The following LPP variants were observed in gnomAD, a reference collection of about 807,000 sequenced individuals.
LPP encodes LIM domain containing preferred translocation partner in lipoma, also known as lipoma-preferred partner.
Under a neutral mutation model 60.4 loss-of-function variants are expected in LPP, and 38 were observed. The observed-to-expected ratio is 0.63, with a 90% CI of 0.49 to 0.83. LPP has a LOEUF of 0.83. Ranked by LOEUF, LPP falls within the 40% of genes least tolerant of loss-of-function variation. The probability of loss-of-function intolerance (pLI) is 0.00; values close to 1 mark genes in which losing one functional copy is unlikely to be tolerated. For synonymous variants in LPP, 328 were observed against 290.8 expected, an observed-to-expected ratio of 1.13 and a Z score of -1.30; for missense variants, 902 against 783.6, an observed-to-expected ratio of 1.15 and a Z score of -1.80.
chr3:188,394,201 G>A (rs2148718561), intron 3 of LPP, among the ~76,000 whole-genome samples: 2 of 152,304 alleles, frequency 1.3e-5, no homozygotes, highest in East Asian at 3.9e-4. Context: ...TAAACTGAGT[G>A]GGAAACAAAT....
intron 3 of LPP, among the ~76,000 whole-genome samples, chr3:188,360,015 C>G (rs926758836): frequency 6.6e-6 from 1 of 152,212 alleles, no homozygotes; most frequent in Non-Finnish European, 1.5e-5. Flanking sequence ...CAGTCCCTCA[C>G]AAGATACCTC....
intron 3 of LPP, among the ~76,000 whole-genome samples, chr3:188,395,725 A>G (rs1189771941): frequency 6.6e-6 from 1 of 152,010 alleles, no homozygotes; most frequent in Non-Finnish European, 1.5e-5. Flanking sequence ...CAGGAGTTCG[A>G]GACTAGTGAG....
intron 2 of LPP, among the ~76,000 whole-genome samples, chr3:188,295,908 C>T (rs1252320596): frequency 6.6e-6 from 1 of 152,002 alleles, no homozygotes; most frequent in Non-Finnish European, 1.5e-5. Context: ...GAAGATAGAA[C>T]AGTCAGTTTT....
intron 4 of LPP, among the ~76,000 whole-genome samples, chr3:188,417,550 A>G (rs1397515917): frequency 1.3e-5 from 2 of 152,142 alleles, no homozygotes; most frequent in African/African-American, 4.8e-5. Context: ...TAGCTTTGCA[A>G]TGTGAACAGA....
chr3:188,640,721 T>TC (rs1455844752), intron 7 of LPP, among the ~76,000 whole-genome samples: 1 of 152,016 alleles, frequency 6.6e-6, no homozygotes, highest in Non-Finnish European at 1.5e-5. Context: ...TTTTGGAATT[T>TC]TTTTTTTTTA....
chr3:188,778,139 C>T (rs1319355521), intron 9 of LPP, among the ~76,000 whole-genome samples: 3 of 152,134 alleles, frequency 2.0e-5, no homozygotes, highest in African/African-American at 7.2e-5. Flanking sequence ...CTGTTTTCCA[C>T]TGGAAGAAGA....
At chr3:188,860,581 G>A (rs1015554784) in intron 9 of LPP, among the ~76,000 whole-genome samples, 1 of 151,950 alleles carries the variant, frequency 6.6e-6, no homozygotes, top group Non-Finnish European at 1.5e-5. Flanking sequence ...GAAACACACT[G>A]TGTGTTAACC....
At chr3:188,772,145 C>T (rs966873919) in intron 9 of LPP, among the ~76,000 whole-genome samples, 15 of 152,170 alleles carry the variant, frequency 9.9e-5, no homozygotes, top group Admixed American at 3.9e-4. Flanking sequence ...AATATGTTTG[C>T]ATTCTTATCT....
chr3:188,309,548 C>T (rs1047028792), intron 2 of LPP, among the ~76,000 whole-genome samples: 6 of 152,114 alleles, frequency 3.9e-5, no homozygotes, highest in Non-Finnish European at 7.3e-5. Context: ...AGGGGAGAGG[C>T]GAGATAAGCA....
At chr3:188,410,290 G>A (rs996186881) in intron 4 of LPP, among the ~76,000 whole-genome samples, 1 of 152,134 alleles carries the variant, frequency 6.6e-6, no homozygotes, top group Non-Finnish European at 1.5e-5. Flanking sequence ...TTCAACCCAC[G>A]TCTTTGCATT....
At chr3:188,484,815 A>G in intron 5 of LPP, 111 bp downstream of exon 5, 7 of 793,964 alleles carry the variant, frequency 8.8e-6, no homozygotes, top group Non-Finnish European at 1.3e-5. Context: ...CTGGATAAAC[A>G]TTTATCCAGA....
intron 7 of LPP, among the ~76,000 whole-genome samples, chr3:188,696,538 T>G (rs6789732): frequency 6.6e-6 from 1 of 151,998 alleles, no homozygotes; most frequent in Non-Finnish European, 1.5e-5. Flanking sequence ...GAGCTGAGAT[T>G]ATGCCACTGC....
chr3:188,512,332 T>C (rs1240534988), intron 5 of LPP, among the ~76,000 whole-genome samples: 1 of 152,004 alleles, frequency 6.6e-6, no homozygotes, highest in South Asian at 2.1e-4. Flanking sequence ...CCTAGGCGGG[T>C]GGATCGCCTG....
chr3:188,574,241 C>G (rs1255487384), intron 6 of LPP, among the ~76,000 whole-genome samples: 3 of 152,184 alleles, frequency 2.0e-5, no homozygotes, highest in African/African-American at 7.2e-5. Flanking sequence ...GTCTGGGTGA[C>G]TCACAAATCT....
chr3:188,574,203 C>G (rs1834109531), intron 6 of LPP, among the ~76,000 whole-genome samples: 2 of 152,130 alleles, frequency 1.3e-5, no homozygotes, highest in Non-Finnish European at 2.9e-5. Flanking sequence ...ACCTCTCTGT[C>G]TCTTTCTGAA....
chr3:188,667,579 A>C (rs767244051), intron 7 of LPP, among the ~76,000 whole-genome samples: 10 of 151,314 alleles, frequency 6.6e-5, no homozygotes, highest in Non-Finnish European at 1.5e-4. Flanking sequence ...CACATCTTCC[A>C]GATGTGGGAA....
intron 5 of LPP, among the ~76,000 whole-genome samples, chr3:188,520,543 A>C (rs957326918): frequency 6.6e-6 from 1 of 152,192 alleles, no homozygotes. Flanking sequence ...GAGAACTACA[A>C]TTCAAGATGA....
At chr3:188,223,692 C>G (rs146156019) in intron 1 of LPP, among the ~76,000 whole-genome samples, 199 of 152,234 alleles carry the variant, frequency 1.3e-3, no homozygotes, top group African/African-American at 4.8e-3. Context: ...AAGTCAGATG[C>G]CCTTTGCTGC....
intron 7 of LPP, among the ~76,000 whole-genome samples, chr3:188,662,130 G>A (rs549329080): frequency 6.6e-6 from 1 of 152,310 alleles, no homozygotes; most frequent in South Asian, 2.1e-4. Context: ...TCAGTTATGC[G>A]ACATAGTGCT....
Sources: allele counts gnomAD v4.1 joint callset (sites outside exome capture counted in the v4.1 genomes callset), GRCh38; gene constraint gnomAD v4.1.1; transcripts MANE v1.5; gene names NCBI Gene and HGNC (gene_info 2026-07-23, HGNC 2026-07-21).